Variants in CDC42SE2 observed in about 807,000 individuals in gnomAD.
The protein encoded by CDC42SE2 is CDC42 small effector 2.
CDC42SE2 carries 3 observed loss-of-function variants against 11.5 expected under a neutral mutation model. The ratio of observed to expected loss-of-function variants is 0.26; its 90% CI spans 0.12 to 0.67. The LOEUF (loss-of-function observed/expected upper bound fraction) is 0.67. Among genes scored for constraint, CDC42SE2 ranks in the 30% least tolerant of loss-of-function variants. The pLI is 0.80. For missense variants in CDC42SE2, 82 were observed against 106.8 expected, an observed-to-expected ratio of 0.77 and a Z score of 1.02; for synonymous variants, 33 against 34.8, an observed-to-expected ratio of 0.95 and a Z score of 0.18.
At chr5:131,290,096 C>T (rs1443752663) in intron 1 of CDC42SE2, among the ~76,000 whole-genome samples, 1 of 152,136 alleles carries the variant, frequency 6.6e-6, no homozygotes, top group African/African-American at 2.4e-5. Flanking sequence ...ATCCTCCTGC[C>T]TCCACCTCCC....
chr5:131,257,625 G>A (rs991335688), intron 2 of CDC42SE2, among the ~76,000 whole-genome samples: 18 of 151,666 alleles, frequency 1.2e-4, no homozygotes, highest in African/African-American at 4.1e-4. Context: ...CTACAGGTGC[G>A]CACCACCATG....
intron 2 of CDC42SE2, among the ~76,000 whole-genome samples, chr5:131,325,484 GTTT>G (rs34758151): frequency 7.0e-6 from 1 of 142,922 alleles, no homozygotes; most frequent in Admixed American, 7.0e-5. Context: ...CCATTAAGTG[GTTT>G]TTTTTTTTTT....
chr5:131,233,661 C>T, the CDC42SE2 span, among the ~76,000 whole-genome samples: 1 of 152,152 alleles, frequency 6.6e-6, no homozygotes, highest in African/African-American at 2.4e-5. Context: ...GCTGCCATGC[C>T]GGCCTAAAAA....
chr5:131,385,262 A>T (rs562437493), intron 3 of CDC42SE2, among the ~76,000 whole-genome samples: 18 of 152,324 alleles, frequency 1.2e-4, no homozygotes, highest in African/African-American at 4.1e-4. Flanking sequence ...CTCGTTTTTT[A>T]AAAAGAATAA....
At chr5:131,276,721 C>G (rs546408461) in intron 1 of CDC42SE2, among the ~76,000 whole-genome samples, 2 of 132,746 alleles carry the variant, frequency 1.5e-5, no homozygotes, top group African/African-American at 5.9e-5. Context: ...TAAACATGAC[C>G]ATTAGAATTT....
intron 2 of CDC42SE2, among the ~76,000 whole-genome samples, chr5:131,325,277 C>T (rs1237035849): frequency 6.6e-6 from 1 of 152,164 alleles, no homozygotes; most frequent in East Asian, 1.9e-4. Context: ...TACACAGCTA[C>T]TATAGTGTGT....
chr5:131,359,597 C>T (rs781477382), intron 3 of CDC42SE2, 50 bp downstream of exon 3: 1 of 1,345,298 alleles, frequency 7.4e-7, no homozygotes, highest in Non-Finnish European at 1.1e-6. Flanking sequence ...ATTAAACTTT[C>T]CACTGGTTCT....
Position 131,351,229 on chromosome 5 carries a change from C to T in CDC42SE2, c.-285-7980C>T, listed in dbSNP as rs754003993. On this transcript the variant is annotated intron_variant, in intron 2 of 4. Coordinates refer to ENST00000505065, the MANE Select transcript of CDC42SE2 (RefSeq NM_001375635.1). ...TCTCCCAGAGTGCTGAGATTATAGG[C>T]GTGAACCACCAAGCTCAGCCCTGAT... is the stretch of plus-strand genomic sequence containing the variant. Among the ~76,000 whole-genome samples the T allele has an allele frequency of 1.5e-3, 225 of 152,116 alleles. 5 individuals are homozygous for T. The highest frequency in any genetic ancestry group is 1.2e-3 in the Non-Finnish European group (81 of 67,994).
In CDC42SE2 at chr5:131,342,388, C is replaced by CTTTT. The variant is rs35818778; in HGVS notation, c.-285-16805_-285-16802dup. Among the ~76,000 whole-genome samples, 319 of 111,304 alleles carry CTTTT rather than the reference C, an allele frequency of 2.9e-3. 22 individuals are homozygous for CTTTT. Among genetic ancestry groups the CTTTT allele is most frequent in the Middle Eastern group, 0.01 (2 of 198 alleles). 73.0% of individuals were successfully genotyped at this position (111,304 alleles called of 152,430 possible). ...TCAGAGATTTGCCATTTTTAATAGT[C>CTTTT]TTTTTTTTTTTTTTTTTTTAAGATA... On this transcript the variant is annotated intron_variant, in intron 2 of 4. Coordinates refer to ENST00000505065, the MANE Select transcript of CDC42SE2 (RefSeq NM_001375635.1).
intron 3 of CDC42SE2, among the ~76,000 whole-genome samples, chr5:131,361,231 T>C (rs1749699792): frequency 6.6e-6 from 1 of 152,152 alleles, no homozygotes; most frequent in Admixed American, 6.5e-5. Flanking sequence ...ATGATAAATG[T>C]ATACTCACCA....
At chr5:131,341,062 T>A (rs753760182) in intron 2 of CDC42SE2, among the ~76,000 whole-genome samples, 1 of 152,264 alleles carries the variant, frequency 6.6e-6, no homozygotes, top group East Asian at 1.9e-4. Flanking sequence ...ATTGGCAAAT[T>A]TGGAAAAATA....
intron 1 of CDC42SE2, among the ~76,000 whole-genome samples, chr5:131,300,485 A>G (rs1300209195): frequency 6.6e-6 from 1 of 152,164 alleles, no homozygotes; most frequent in Non-Finnish European, 1.5e-5. Context: ...GAGAATGGCC[A>G]TTAATAATTA....
At chr5:131,330,764 C>T (rs1758403679) in intron 2 of CDC42SE2, among the ~76,000 whole-genome samples, 1 of 151,646 alleles carries the variant, frequency 6.6e-6, no homozygotes. Context: ...TTCCAGTAAT[C>T]CCAGCACTTT....
At chr5:131,242,108 T>C (rs1047535348), upstream of CDC42SE2, among the ~76,000 whole-genome samples, 6 of 152,204 alleles carry the variant, frequency 3.9e-5, no homozygotes, top group African/African-American at 1.4e-4. Context: ...TTGATACTCT[T>C]CCAGGCATAC....
At chr5:131,263,474 T>C (rs774554512), upstream of CDC42SE2, among the ~76,000 whole-genome samples, 2 of 152,198 alleles carry the variant, frequency 1.3e-5, no homozygotes, top group Non-Finnish European at 2.9e-5. Flanking sequence ...AGTACATGTG[T>C]AATTTTCACG....
At chr5:131,270,499 A>G (rs1415449687) in intron 1 of CDC42SE2, among the ~76,000 whole-genome samples, 1 of 152,240 alleles carries the variant, frequency 6.6e-6, no homozygotes, top group Non-Finnish European at 1.5e-5. Flanking sequence ...AACATTGTGT[A>G]TGTTTTACAC....
intron 2 of CDC42SE2, among the ~76,000 whole-genome samples, chr5:131,351,490 GTGATC>G (rs992703447): frequency 1.8e-4 from 28 of 152,264 alleles, no homozygotes; most frequent in African/African-American, 6.7e-4. Flanking sequence ...TCCTGACCTT[GTGATC>G]CGCCCGCCTT....
At chr5:131,294,008 A>G (rs187966919) in intron 1 of CDC42SE2, among the ~76,000 whole-genome samples, 329 of 152,332 alleles carry the variant, frequency 2.2e-3, no homozygotes, top group African/African-American at 7.7e-3. Flanking sequence ...ACTGGAAGTA[A>G]TGTCACACTG....
chr5:131,337,777 G>A (rs2149749164), intron 2 of CDC42SE2, among the ~76,000 whole-genome samples: 1 of 152,384 alleles, frequency 6.6e-6, no homozygotes, highest in South Asian at 2.1e-4. Context: ...CCATGTGTGG[G>A]ATATAATCTC....
Sources: allele counts gnomAD v4.1 joint callset (sites outside exome capture counted in the v4.1 genomes callset), GRCh38; gene constraint gnomAD v4.1.1; transcripts MANE v1.5; gene names NCBI Gene and HGNC (gene_info 2026-07-23, HGNC 2026-07-21).